The following MYH9 variants were observed in gnomAD, a reference collection of about 807,000 sequenced individuals.
MYH9 encodes the protein myosin-9.
A neutral mutation model predicts 241.9 loss-of-function variants in MYH9; 29 were observed. That is an observed-to-expected ratio of 0.12 (90% confidence interval 0.09 to 0.16). The LOEUF is 0.16. MYH9 is among the 10% of genes least tolerant of loss of function. The pLI is 1.00. For missense variants in MYH9, 1,803 were observed against 2,595.5 expected (o/e 0.69, Z 6.63); for synonymous variants, 1,047 against 1,062.6 (o/e 0.99, Z 0.29).
In MYH9 at chr22:36,329,123, T is replaced by C. The variant is rs1164884512; in HGVS notation, c.491-1635A>G. On this transcript the variant is annotated intron_variant, in intron 3 of 40. Transcript: ENST00000216181. This position sits in a 1 kb window ranked among gnomAD's most constrained non-coding sequence, Gnocchi z 4.1. ...GCCCCTGCCCTGGGCCGCAGCTTCC[T>C]CCCAGCCCCCTAAGCATCAACGGGG... 6.6e-6 allele frequency among the ~76,000 whole-genome samples: 1 copy of C among 152,036 alleles called. No individual in the cohort carries two copies. The highest frequency in any genetic ancestry group is 6.5e-5 in the Admixed American group (1 of 15,276).
In MYH9 at chr22:36,295,628, T is replaced by C. The variant is rs2016776511; in HGVS notation, c.3362A>G (p.Glu1121Gly). 1 of 1,613,840 alleles carries C rather than the reference T, an allele frequency of 6.2e-7. No homozygotes were observed. The highest frequency in any genetic ancestry group is 1.3e-5 in the African/African-American group (1 of 74,900). Reference sequence around the variant, plus strand: ...TTTATTCCTGGAAGCACGCTCAGACTCCAGGTCTTCCTGGAGTTCAGAGAT... The same window carrying C: ...TTTATTCCTGGAAGCACGCTCAGACCCCAGGTCTTCCTGGAGTTCAGAGAT... ...SQISELQEDL[E>G]SERASRNKAE... Residue 1121 changes from glutamate to glycine, a missense_variant, in exon 26 of 41, where the codon GAG (glutamate) becomes GGG (glycine). Around this residue, in one of 11 missense-constraint regions of MYH9, gnomAD observed 290 missense variants for 360.5 expected, o/e 0.80. Transcript: ENST00000216181. This position sits in a 1 kb window ranked among gnomAD's most constrained non-coding sequence, Gnocchi z 4.1.
intron 3 of MYH9, among the ~76,000 whole-genome samples, chr22:36,334,046 G>A (rs2017461314): frequency 6.6e-6 from 1 of 151,842 alleles, no homozygotes; most frequent in African/African-American, 2.4e-5. Context: ...CTCCCGCTCA[G>A]TGGGCCCAGA....
At chr22:36,323,196 T>C (rs947352784) in intron 5 of MYH9, among the ~76,000 whole-genome samples, 2 of 152,230 alleles carry the variant, frequency 1.3e-5, no homozygotes, top group Admixed American at 1.3e-4. Context: ...TTCTTATCCC[T>C]GGATCCCCAC....
chr22:36,296,158 G>A (rs543109179), intron 25 of MYH9, among the ~76,000 whole-genome samples: 7 of 152,322 alleles, frequency 4.6e-5, no homozygotes, highest in Non-Finnish European at 1.0e-4. Context: ...GGGAGGCGGT[G>A]CGTGAGTGGG....
Position 36,321,804 on chromosome 22 carries a change from G to T in MYH9, c.723C>A (p.Ile241=). The change falls in exon 7 of 41, where the codon ATC becomes ATA. Residue 241 remains isoleucine (I), a synonymous_variant. Transcript: ENST00000216181. ...NSSRFGKFIR[I]NFDVNGYIVG... is the part of the protein sequence containing the mutation. ...CAATGTAGCCATTGACATCAAAGTT[G>T]ATGCGAATGAATTTGCCCTAAGTAA... 6.2e-7 allele frequency: 1 copy of T among 1,614,130 alleles called. No individual in the cohort carries two copies. Among genetic ancestry groups the T allele is most frequent in the East Asian group, 2.2e-5 (1 of 44,892 alleles).
intron 3 of MYH9, 59 bp from the exon 4 acceptor site, chr22:36,327,547 C>G: frequency 1.2e-6 from 2 of 1,603,734 alleles, no homozygotes; most frequent in Non-Finnish European, 1.7e-6. Context: ...CCCCACCTTG[C>G]TCCCAAAGAG....
chr22:36,322,819 T>C (rs918550275), intron 5 of MYH9, among the ~76,000 whole-genome samples: 2 of 152,264 alleles, frequency 1.3e-5, no homozygotes, highest in South Asian at 4.1e-4. Context: ...GGACGACCCA[T>C]GTGAAAGCAG....
At chr22:36,314,610 C>A (rs966735622) in intron 12 of MYH9, among the ~76,000 whole-genome samples, 6 of 152,006 alleles carry the variant, frequency 3.9e-5, no homozygotes, top group Admixed American at 1.3e-4. Flanking sequence ...GAAATATAAT[C>A]ATCAAAATAT....
Position 36,306,177 on chromosome 22 carries a change from T to C in MYH9, c.2038-126A>G. The C allele has an allele frequency of 1.3e-6, 2 of 1,498,972 alleles. No homozygotes were observed. The highest frequency in any genetic ancestry group is 3.5e-5 in the Admixed American group (2 of 57,852). The allele number at this position is 1,498,972 out of a possible 1,614,324, so 92.9% of individuals were successfully genotyped here. On this transcript the variant is annotated intron_variant, in intron 16 of 40. Transcript: ENST00000216181. The surrounding 1 kb of genome is among the most constrained non-coding windows in gnomAD (Gnocchi z 4.1). ...GGAGGGGGTCGCTACAGCCCACAGGTTTGGACAATGAAGTCAAAGGATCCA... is the reference window on the plus strand; with the variant it reads ...GGAGGGGGTCGCTACAGCCCACAGGCTTGGACAATGAAGTCAAAGGATCCA...
At chr22:36,335,114 C>T (rs1418713735) in intron 3 of MYH9, among the ~76,000 whole-genome samples, 1 of 152,054 alleles carries the variant, frequency 6.6e-6, no homozygotes, top group Non-Finnish European at 1.5e-5. Context: ...GGTGGGGCGC[C>T]CCTCCTCTGT....
intron 20 of MYH9, chr22:36,302,180 A>C (rs1330106123): frequency 6.8e-6 from 2 of 292,698 alleles, no homozygotes; most frequent in East Asian, 1.8e-4. Context: ...CTAAGGGTTT[A>C]TGTGTGAATT....
chr22:36,304,823 A>C (rs1231587523), intron 18 of MYH9, among the ~76,000 whole-genome samples: 1 of 152,246 alleles, frequency 6.6e-6, no homozygotes, highest in Non-Finnish European at 1.5e-5. Flanking sequence ...TCTCCTCCAC[A>C]CAACCCTGGT....
intron 14 of MYH9, among the ~76,000 whole-genome samples, chr22:36,310,409 A>C (rs546524161): frequency 6.6e-6 from 1 of 152,250 alleles, no homozygotes; most frequent in Non-Finnish European, 1.5e-5. Context: ...CTCTGCTAAA[A>C]TATATACTTA....
chr22:36,334,255 G>A (rs2017464515), intron 3 of MYH9, among the ~76,000 whole-genome samples: 1 of 152,230 alleles, frequency 6.6e-6, no homozygotes, highest in African/African-American at 2.4e-5. Context: ...TGGAGGAGCA[G>A]CACAAAGCAG....
In MYH9 at chr22:36,358,831, T is replaced by C. The variant is rs185257870; in HGVS notation, c.-19-9576A>G. Among the ~76,000 whole-genome samples the C allele has an allele frequency of 2.0e-4, 30 of 152,370 alleles. No homozygotes were observed. The East Asian group carries it at 3.7e-3, about 19-fold the overall frequency. On this transcript the variant is annotated intron_variant, in intron 1 of 40. Coordinates refer to ENST00000216181, the MANE Select transcript of MYH9 (RefSeq NM_002473.6). ...CCTATTTATATGACTTCCTATTTCA[T>C]TGATATTATTTGATCAGTTCAAAAT...
Position 36,312,041 on chromosome 22 carries a change from C to T in MYH9, c.1728+8G>A. 2 of 1,613,930 alleles carry T rather than the reference C, an allele frequency of 1.2e-6. No individual in the cohort carries two copies. Among genetic ancestry groups the T allele is most frequent in the Non-Finnish European group, 1.7e-6 (2 of 1,179,988 alleles). On this transcript the variant is annotated splice_region_variant and intron_variant, in intron 14 of 40. Transcript: ENST00000216181. ...TCTGGCCAGCACCTCCCCGTGAGCGCTCCTCACCTTGCCGGCATAGTGGAT... is the reference window on the plus strand; with the variant it reads ...TCTGGCCAGCACCTCCCCGTGAGCGTTCCTCACCTTGCCGGCATAGTGGAT...
chr22:36,311,844 G>A (rs2017068419), intron 14 of MYH9, among the ~76,000 whole-genome samples: 1 of 152,202 alleles, frequency 6.6e-6, no homozygotes, highest in Admixed American at 6.5e-5. Context: ...GCTTCTAACA[G>A]CATGGAGCAG....
intron 2 of MYH9, among the ~76,000 whole-genome samples, chr22:36,343,269 G>C (rs1569536521): frequency 1.3e-5 from 2 of 152,154 alleles, no homozygotes; most frequent in Non-Finnish European, 2.9e-5. Context: ...ACACACAGGG[G>C]CTCACACTGG....
intron 14 of MYH9, among the ~76,000 whole-genome samples, chr22:36,311,214 C>G (rs2017058653): frequency 6.6e-6 from 1 of 152,216 alleles, no homozygotes; most frequent in South Asian, 2.1e-4. Flanking sequence ...TCTAAGCATG[C>G]ACCTCTATGG....
Sources: gnomAD v4.1 joint callset for allele counts (sites outside exome capture counted in the v4.1 genomes callset) on GRCh38, gnomAD v4.1.1 for gene constraint, gnomAD v4.1.1 regional missense constraint, Gnocchi (gnomAD v3.1) non-coding constraint, MANE v1.5 for transcripts, NCBI Gene and HGNC (gene_info 2026-07-23, HGNC 2026-07-21) for gene names.